Variants in MATK observed in about 807,000 individuals in gnomAD.
MATK encodes the protein megakaryocyte-associated tyrosine kinase.
MATK carries 41 observed loss-of-function variants against 59.8 expected under a neutral mutation model. The observed-to-expected ratio is 0.69, with a 90% confidence interval of 0.53 to 0.89. MATK has a LOEUF of 0.89. Ranked by LOEUF, MATK falls within the 40% of genes least tolerant of loss-of-function variation. The probability of loss-of-function intolerance (pLI) is 0.00; values close to 1 mark genes in which losing one functional copy is unlikely to be tolerated. For synonymous variants in MATK, 308 were observed against 306.1 expected, an observed-to-expected ratio of 1.01 and a Z score of -0.06; for missense variants, 593 against 719.6, an observed-to-expected ratio of 0.82 and a Z score of 2.01.
Position 3,779,407 on chromosome 19 carries a change from C to T in MATK, c.972G>A (p.Val324=). Residue 324 remains valine, a synonymous_variant, in exon 11 of 14, where the codon GTG becomes GTA. Transcript: ENST00000310132. ...AAAACTGCAGGAGCTGAGCGGTGTT[C>T]ACGAGGGCTCGACCCCGGGTCCGCA... is the stretch of plus-strand genomic sequence containing the variant. The part of the protein sequence containing the change: ...NFLRTRGRAL[V]NTAQLLQFSL... The T allele has an allele frequency of 6.2e-7, 1 of 1,613,298 alleles. No individual in the cohort carries two copies. Among genetic ancestry groups the T allele is most frequent in the Admixed American group, 1.7e-5 (1 of 60,032 alleles).
In MATK at chr19:3,779,811, GTGGGGA is replaced by G; in HGVS notation, c.743-20_743-15del. 6.5e-7 allele frequency: 1 copy of G among 1,532,538 alleles called. No individual in the cohort carries two copies. The highest frequency in any genetic ancestry group is 9.0e-7 in the Non-Finnish European group (1 of 1,106,974). The allele number at this position is 1,532,538 out of a possible 1,614,324, so 94.9% of individuals were successfully genotyped here. On this transcript the variant is annotated splice_polypyrimidine_tract_variant and intron_variant, in intron 8 of 13. Transcript: ENST00000310132. ...CCTGCAGGACAGCTGGGGGGTGGGGGTGGGGAACGGGGTGAGATCAGGACCCCCAAC... is the reference window on the plus strand; with the variant it reads ...CCTGCAGGACAGCTGGGGGGTGGGGGACGGGGTGAGATCAGGACCCCCAAC...
At chr19:3,797,243 C>CT (rs983176838) in intron 1 of MATK, among the ~76,000 whole-genome samples, 2 of 136,044 alleles carry the variant, frequency 1.5e-5, no homozygotes, top group African/African-American at 5.2e-5. Context: ...CCCCCACCCC[C>CT]CCACTTTCTA....
At chr19:3,783,776 C>A in intron 6 of MATK, 38 bp downstream of exon 6, 1 of 1,589,544 alleles carries the variant, frequency 6.3e-7, no homozygotes, top group Non-Finnish European at 8.6e-7. Context: ...TGGGCTGCCC[C>A]ACTGCAGGGA....
At chr19:3,788,088 T>G (rs2037505288), upstream of MATK, among the ~76,000 whole-genome samples, 1 of 138,648 alleles carries the variant, frequency 7.2e-6, no homozygotes. Context: ...ATATATTATA[T>G]TATTAATATT....
intron 1 of MATK, among the ~76,000 whole-genome samples, chr19:3,794,128 C>A (rs2037570591): frequency 6.6e-6 from 1 of 152,184 alleles, no homozygotes; most frequent in Admixed American, 6.5e-5. Context: ...CTCCAAGAGA[C>A]CCTCCCTGGC....
In MATK at chr19:3,786,096, C is replaced by T. The variant is rs1259670367; in HGVS notation, c.-152+73G>A. The T allele has an allele frequency of 6.1e-6, 4 of 660,916 alleles. No homozygotes were observed. Among genetic ancestry groups the T allele is most frequent in the African/African-American group, 3.9e-5 (2 of 51,122 alleles). 40.9% of individuals were successfully genotyped at this position (660,916 alleles called of 1,614,324 possible). A position where few individuals can be genotyped will look rare whatever the true frequency, so the allele number is the denominator to read the frequency against. On this transcript the variant is annotated intron_variant, in intron 1 of 13. Coordinates refer to ENST00000310132, the MANE Select transcript of MATK (RefSeq NM_139355.3). The surrounding 1 kb of genome is among the most constrained non-coding windows in gnomAD (Gnocchi z 4.1). ...CCTGCGCACGTCCCGGGCCCACCCC[C>T]GCCTAGAGCCCTCGGGGTTTCCCCC...
rs1470986654 is a variant in MATK at position 3,778,302 on chromosome 19, G to T, written c.1405C>A (p.Pro469Thr). 38 of 1,575,046 alleles carry T rather than the reference G, an allele frequency of 2.4e-5. No homozygotes were observed. Among genetic ancestry groups the T allele is most frequent in the Non-Finnish European group, 3.2e-5 (37 of 1,165,284 alleles). The part of the protein sequence containing the change: ...SCWEAEPARR[P>T]PFRKLAEKLA... ...TTCTCGGCCAGTTTGCGGAAGGGTG[G>T]CCGGCGGGCGGGCTCTGCCTCCCAG... The change falls in exon 14 of 14, where the codon CCA becomes ACA. Residue 469 changes from proline to threonine, a missense_variant. Transcript: ENST00000310132.
chr19:3,795,139 G>A (rs923517686), intron 1 of MATK, among the ~76,000 whole-genome samples: 5 of 151,402 alleles, frequency 3.3e-5, no homozygotes, highest in African/African-American at 4.9e-5. Flanking sequence ...CACCACACCC[G>A]CCTAATTTTT....
upstream of MATK, among the ~76,000 whole-genome samples, chr19:3,790,295 C>T (rs960533467): frequency 6.6e-6 from 1 of 152,182 alleles, no homozygotes; most frequent in Admixed American, 6.5e-5. Flanking sequence ...CAGATTCCCC[C>T]AGTCCTGAAC....
intron 6 of MATK, 85 bp from the exon 7 acceptor site, chr19:3,783,304 G>A (rs1295486666): frequency 2.6e-6 from 2 of 762,286 alleles, no homozygotes; most frequent in South Asian, 1.5e-5. Context: ...GCCTCTGGGT[G>A]GGGTGGGTGG....
rs533455579 is a variant in MATK at position 3,796,875 on chromosome 19, A to G, written c.-58+4657T>C. 8.5e-5 allele frequency among the ~76,000 whole-genome samples: 13 copies of G among 152,268 alleles called. No individual in the cohort carries two copies. In the East Asian group the frequency reaches 1.2e-3, roughly 14 times the overall value. Reference sequence around the variant, plus strand: ...TAGGTGGATACTTTTCTTTTGCCCAATGTTTTCCAGCTTCTAGTCTTGGGC... The same window carrying G: ...TAGGTGGATACTTTTCTTTTGCCCAGTGTTTTCCAGCTTCTAGTCTTGGGC... On this transcript the variant is annotated intron_variant, in intron 1 of 13. Transcript: ENST00000395045.
rs1350008341 is a variant in MATK, at chr19:3,785,048, G to A, written c.72+16C>T. ...AGAACTGGCTCCCCAAGCCCCTGTGGGGAAGTGATCTTTACCCGGGGAAGT... is the reference window on the plus strand; with the variant it reads ...AGAACTGGCTCCCCAAGCCCCTGTGAGGAAGTGATCTTTACCCGGGGAAGT... On this transcript the variant is annotated intron_variant, in intron 2 of 13. Coordinates refer to ENST00000310132, the MANE Select transcript of MATK (RefSeq NM_139355.3). 6.2e-7 allele frequency: 1 copy of A among 1,613,044 alleles called. No individual in the cohort carries two copies. Among genetic ancestry groups the A allele is most frequent in the Non-Finnish European group, 8.5e-7 (1 of 1,179,168 alleles).
At chr19:3,790,561 C>CA (rs757287181), upstream of MATK, among the ~76,000 whole-genome samples, 19 of 152,206 alleles carry the variant, frequency 1.2e-4, no homozygotes, top group Non-Finnish European at 2.9e-5. Context: ...GCCTGGCATC[C>CA]AGGGCTCTTC....
chr19:3,798,048 T>TA (rs1282348729), intron 1 of MATK, among the ~76,000 whole-genome samples: 1 of 151,556 alleles, frequency 6.6e-6, no homozygotes, highest in Admixed American at 6.6e-5. Context: ...TCTCAAAAAA[T>TA]AAAAAATAAA....
intron 1 of MATK, among the ~76,000 whole-genome samples, chr19:3,797,677 A>G (rs996469600): frequency 6.6e-6 from 1 of 151,852 alleles, no homozygotes; most frequent in Non-Finnish European, 1.5e-5. Flanking sequence ...TGGCTCACGG[A>G]GCTCAGGAGT....
intron 4 of MATK, 41 bp downstream of exon 4, chr19:3,784,296 GC>G: frequency 3.1e-6 from 5 of 1,589,584 alleles, no homozygotes; most frequent in Non-Finnish European, 1.7e-6. Flanking sequence ...TCCTGGTGGA[GC>G]CCCCAGCCCC....
chr19:3,791,875 A>G (rs1342572071), intron 1 of MATK, among the ~76,000 whole-genome samples: 2 of 151,808 alleles, frequency 1.3e-5, no homozygotes, highest in African/African-American at 4.8e-5. Flanking sequence ...TGGGAGGCCG[A>G]GGTGGGTGGT....
Position 3,783,378 on chromosome 19 carries a change from G to C in MATK, c.583-159C>G, listed in dbSNP as rs914673324. The C allele has an allele frequency of 2.5e-5, 16 of 650,056 alleles. No homozygotes were observed. In the African/African-American group the frequency reaches 2.5e-4, roughly 10 times the overall value. 40.3% of individuals were successfully genotyped at this position (650,056 alleles called of 1,614,324 possible). ...GGGAAAGGAGGCAAGCCAAAAGGAGGGGGAGTCCTCTGGATTGGTATCAAC... is the reference window on the plus strand; with the variant it reads ...GGGAAAGGAGGCAAGCCAAAAGGAGCGGGAGTCCTCTGGATTGGTATCAAC... On this transcript the variant is annotated intron_variant, in intron 6 of 13. Coordinates refer to ENST00000310132, the MANE Select transcript of MATK (RefSeq NM_139355.3).
chr19:3,779,655 AC>A (rs2066771), intron 9 of MATK, 38 bp from the exon 10 acceptor site: 146 of 1,604,412 alleles, frequency 9.1e-5, no homozygotes, highest in African/African-American at 3.8e-4. Flanking sequence ...CAGGGCTGGG[AC>A]CCCCCCCGTC....
Sources: allele counts gnomAD v4.1 joint callset (sites outside exome capture counted in the v4.1 genomes callset), GRCh38; gene constraint gnomAD v4.1.1; non-coding constraint Gnocchi (gnomAD v3.1); transcripts MANE v1.5; gene names NCBI Gene and HGNC (gene_info 2026-07-23, HGNC 2026-07-21).